The following MAP3K13 variants were observed in gnomAD, a reference collection of about 807,000 sequenced individuals.
MAP3K13 encodes leucine zipper-bearing kinase.
A neutral mutation model predicts 104.0 loss-of-function variants in MAP3K13; 52 were observed. The observed-to-expected ratio is 0.50, with a 90% CI of 0.40 to 0.63. The LOEUF is 0.63. Among genes scored for constraint, MAP3K13 ranks in the 20% least tolerant of loss-of-function variants. The pLI is 0.00. For missense variants in MAP3K13, 914 were observed against 1,218.5 expected (o/e 0.75, Z 3.72); for synonymous variants, 394 against 442.2 (o/e 0.89, Z 1.37).
At chr3:185,440,750 T>C (rs1333123574) in intron 3 of MAP3K13, among the ~76,000 whole-genome samples, 1 of 152,212 alleles carries the variant, frequency 6.6e-6, no homozygotes, top group Non-Finnish European at 1.5e-5. Context: ...CTCAAAATTC[T>C]TTCATCACTT....
At chr3:185,298,215 T>C (rs935033619) in intron 2 of MAP3K13, among the ~76,000 whole-genome samples, 2 of 152,208 alleles carry the variant, frequency 1.3e-5, no homozygotes, top group African/African-American at 4.8e-5. Flanking sequence ...CTTTTCTATC[T>C]TTTACTTAGA....
chr3:185,433,248 G>A (rs994020276), intron 2 of MAP3K13, among the ~76,000 whole-genome samples: 1 of 152,174 alleles, frequency 6.6e-6, no homozygotes. Context: ...GGGTGGGCAT[G>A]TGTCTTTTTC....
chr3:185,329,359 T>C (rs1722162659), intron 2 of MAP3K13: 1 of 638,030 alleles, frequency 1.6e-6, no homozygotes, highest in Non-Finnish European at 2.8e-6. Context: ...TACAGATTCA[T>C]GTCAGCAAAT....
chr3:185,450,194 G>T lies in MAP3K13; in HGVS notation c.1169+136G>T. The stretch of plus-strand genomic sequence containing the variant: ...ATACTAGCTCTGCCCCTTTCTATCT[G>T]TGCAATTTTGGGCACGTTATTCAAT... On this transcript the variant is annotated intron_variant, in intron 6 of 13. Coordinates refer to ENST00000265026, the MANE Select transcript of MAP3K13 (RefSeq NM_004721.5). The surrounding 1 kb of genome is among the most constrained non-coding windows in gnomAD (Gnocchi z 4.2). 1 of 689,076 alleles carries T rather than the reference G, an allele frequency of 1.5e-6. No individual in the cohort carries two copies. Among genetic ancestry groups the T allele is most frequent in the Non-Finnish European group, 2.2e-6 (1 of 464,520 alleles). The allele number at this position is 689,076 out of a possible 1,614,324, so 42.7% of individuals were successfully genotyped here.
chr3:185,296,097 A>C (rs1316562524), intron 2 of MAP3K13, among the ~76,000 whole-genome samples: 2 of 152,274 alleles, frequency 1.3e-5, no homozygotes, highest in East Asian at 3.9e-4. Flanking sequence ...TTTAAAAATG[A>C]GCCGGGCATT....
At chr3:185,324,288 G>A (rs1369824385) in intron 2 of MAP3K13, among the ~76,000 whole-genome samples, 2 of 152,166 alleles carry the variant, frequency 1.3e-5, no homozygotes, top group African/African-American at 4.8e-5. Context: ...AAAGTGCTGG[G>A]ATTACAGGCG....
chr3:185,371,840 C>T (rs1443035343), intron 1 of MAP3K13, among the ~76,000 whole-genome samples: 1 of 152,100 alleles, frequency 6.6e-6, no homozygotes, highest in East Asian at 1.9e-4. Flanking sequence ...CTAAAGAGGG[C>T]TCAATTTGCA....
chr3:185,390,769 G>C (rs1041461186), intron 1 of MAP3K13, among the ~76,000 whole-genome samples: 4 of 150,672 alleles, frequency 2.7e-5, no homozygotes, highest in Non-Finnish European at 5.9e-5. Context: ...GACTACAGGC[G>C]CCCACCACCA....
chr3:185,331,092 C>CTTTTTTTTT lies in MAP3K13; in HGVS notation c.-86+45459_-86+45467dup, dbSNP rs34204309. Among the ~76,000 whole-genome samples, 9 of 108,584 alleles carry CTTTTTTTTT rather than the reference C, an allele frequency of 8.3e-5. 1 individual carries two copies. The highest frequency in any genetic ancestry group is 1.2e-4 in the Non-Finnish European group (7 of 56,318). The allele number at this position is 108,584 out of a possible 152,430, so 71.2% of individuals were successfully genotyped here. On this transcript the variant is annotated intron_variant, in intron 2 of 14. Transcript: ENST00000424227. The stretch of plus-strand genomic sequence containing the variant: ...CTTTTTTTCTTTTAACCTAATTTAC[C>CTTTTTTTTT]TTTTTTTTTTTTTTTTTTGAGACGG...
chr3:185,348,702 A>G (rs1043148566), intron 2 of MAP3K13, among the ~76,000 whole-genome samples: 1 of 152,134 alleles, frequency 6.6e-6, no homozygotes, highest in African/African-American at 2.4e-5. Context: ...GTGGATCACG[A>G]GATCAAGAGA....
At chr3:185,479,698 A>G (rs1005133732) in intron 12 of MAP3K13, among the ~76,000 whole-genome samples, 2 of 152,244 alleles carry the variant, frequency 1.3e-5, no homozygotes, top group African/African-American at 4.8e-5. Flanking sequence ...CCATAACAAA[A>G]TACTACAGAT....
At chr3:185,336,857 A>T (rs1170429024) in intron 2 of MAP3K13, among the ~76,000 whole-genome samples, 1 of 152,048 alleles carries the variant, frequency 6.6e-6, no homozygotes, top group Non-Finnish European at 1.5e-5. Context: ...GTCTGTATCT[A>T]TGTACATGTA....
intron 2 of MAP3K13, among the ~76,000 whole-genome samples, chr3:185,431,355 C>G (rs1714731845): frequency 6.6e-6 from 1 of 152,164 alleles, no homozygotes; most frequent in Admixed American, 6.5e-5. Context: ...TTTAAGCAAT[C>G]CCCTAGTGCT....
At position 185,450,739 on chromosome 3, in the gene MAP3K13, A is replaced by G. The variant is rs2148897276; in HGVS notation, c.1170-548A>G. Among the ~76,000 whole-genome samples the G allele has an allele frequency of 6.6e-6, 1 of 152,070 alleles. No homozygotes were observed. Among genetic ancestry groups the G allele is most frequent in the Admixed American group, 6.6e-5 (1 of 15,252 alleles). ...CACTTGAACCCATGAGTCTGAGATC[A>G]GCTTAGGCAACATAGTGAGACCCCG... On this transcript the variant is annotated intron_variant, in intron 6 of 13. Transcript: ENST00000265026. The surrounding 1 kb of genome is among the most constrained non-coding windows in gnomAD (Gnocchi z 4.2).
chr3:185,430,440 C>T (rs559338711), intron 2 of MAP3K13, among the ~76,000 whole-genome samples: 42 of 152,254 alleles, frequency 2.8e-4, no homozygotes, highest in African/African-American at 9.6e-4. Flanking sequence ...ATCTGATCCT[C>T]TTTCTCCCCC....
At chr3:185,346,740 T>C (rs911867441) in intron 2 of MAP3K13, among the ~76,000 whole-genome samples, 37 of 152,266 alleles carry the variant, frequency 2.4e-4, no homozygotes, top group African/African-American at 7.7e-4. Flanking sequence ...AAATTGTACT[T>C]CAAAAAAGAT....
At chr3:185,459,897 T>C (rs369948987) in intron 7 of MAP3K13, among the ~76,000 whole-genome samples, 40 of 152,306 alleles carry the variant, frequency 2.6e-4, no homozygotes, top group African/African-American at 1.7e-4. Context: ...CCCCCGGTAA[T>C]CTCTATTCTA....
chr3:185,468,682 C>T (rs1717600682), intron 10 of MAP3K13, among the ~76,000 whole-genome samples: 1 of 152,198 alleles, frequency 6.6e-6, no homozygotes, highest in Admixed American at 6.5e-5. Context: ...CTAATAGGTA[C>T]CTAACTTCTA....
chr3:185,339,072 T>C (rs1377938446), intron 2 of MAP3K13, among the ~76,000 whole-genome samples: 1 of 152,086 alleles, frequency 6.6e-6, no homozygotes, highest in Admixed American at 6.6e-5. Flanking sequence ...ATAATCCCAA[T>C]ACTTTGGGAA....
Sources: allele counts gnomAD v4.1 joint callset (sites outside exome capture counted in the v4.1 genomes callset), GRCh38; gene constraint gnomAD v4.1.1; non-coding constraint Gnocchi (gnomAD v3.1); transcripts MANE v1.5; gene names NCBI Gene and HGNC (gene_info 2026-07-23, HGNC 2026-07-21).